The following RUFY1 variants were observed in gnomAD, a reference collection of about 807,000 sequenced individuals.
RUFY1 encodes RUN and FYVE domain containing 1.
Under a neutral mutation model 94.6 loss-of-function variants are expected in RUFY1, and 54 were observed. The ratio of observed to expected loss-of-function variants is 0.57; its 90% CI spans 0.46 to 0.72. RUFY1 has a LOEUF of 0.72. Ranked by LOEUF, RUFY1 falls within the 30% of genes least tolerant of loss-of-function variation. The pLI is 0.00. For synonymous variants in RUFY1, 396 were observed against 347.3 expected, an observed-to-expected ratio of 1.14 and a Z score of -1.56; for missense variants, 883 against 883.9, an observed-to-expected ratio of 1.00 and a Z score of 0.01.
At chr5:179,577,026 A>C (rs764922318) in intron 5 of RUFY1, 49 bp from the exon 6 acceptor site, 26 of 1,261,722 alleles carry the variant, frequency 2.1e-5, no homozygotes, top group Non-Finnish European at 2.8e-5. Context: ...TGTAAAGTTT[A>C]TGAAAAATAG....
At chr5:179,572,240 A>T in intron 5 of RUFY1, 1 of 283,672 alleles carries the variant, frequency 3.5e-6, no homozygotes, top group Non-Finnish European at 7.2e-6. Context: ...CCAGGAGGTG[A>T]AGCTGTGGGC....
chr5:179,577,159 C>CTTTTTTT lies in RUFY1; in HGVS notation c.890+47_890+53dup, dbSNP rs748319712. ...GGAGTAAGTACTGCGTTGTATGTCA[C>CTTTTTTT]TTTTTTTTTTTTTTTTTTTTTTTTT... is the stretch of plus-strand genomic sequence containing the variant. On this transcript the variant is annotated intron_variant, in intron 6 of 17. Transcript: ENST00000319449. The CTTTTTTT allele has an allele frequency of 3.0e-3, 563 of 186,724 alleles. 56 individuals are homozygous for CTTTTTTT. Among genetic ancestry groups the CTTTTTTT allele is most frequent in the African/African-American group, 8.4e-3 (109 of 12,978 alleles). The allele number at this position is 186,724 out of a possible 1,614,324, so 11.6% of individuals were successfully genotyped here.
intron 17 of RUFY1, among the ~76,000 whole-genome samples, chr5:179,607,980 A>G (rs921937171): frequency 6.6e-6 from 1 of 152,164 alleles, no homozygotes; most frequent in Non-Finnish European, 1.5e-5. Context: ...AATTCTCTGT[A>G]TGCGGCAGGA....
rs753158185 is a variant in RUFY1 at position 179,607,623 on chromosome 5, G to A, written c.1947G>A (p.Arg649=). The part of the protein sequence containing the change: ...WLKDDEATHC[R]QCEKEFSISR... ...AAGATGACGAAGCGACACACTGTAG[G>A]CAGTGTGAGAAGGAGTTCTCCATTT... The change falls in exon 17 of 18, where the codon AGG becomes AGA. Residue 649 remains arginine (R), a synonymous_variant. Transcript: ENST00000319449. 4 of 1,614,144 alleles carry A rather than the reference G, an allele frequency of 2.5e-6. No homozygotes were observed. In the East Asian group the frequency reaches 8.9e-5, roughly 36 times the overall value.
At chr5:179,607,089 C>T (rs183387637) in intron 16 of RUFY1, 61 of 170,174 alleles carry the variant, frequency 3.6e-4, no homozygotes, top group Admixed American at 1.2e-3. Context: ...TTCCTCAGGC[C>T]TGTGGGACGC....
intron 15 of RUFY1, among the ~76,000 whole-genome samples, chr5:179,604,751 G>C (rs571128341): frequency 2.6e-5 from 4 of 152,278 alleles, no homozygotes; most frequent in African/African-American, 9.6e-5. Context: ...GGAGGCCGAG[G>C]CAGGTGGATC....
At chr5:179,574,805 G>A (rs1051169102) in intron 5 of RUFY1, among the ~76,000 whole-genome samples, 4 of 152,234 alleles carry the variant, frequency 2.6e-5, no homozygotes, top group South Asian at 4.1e-4. Context: ...CAAACCAGCT[G>A]TCTTATTTAT....
intron 2 of RUFY1, among the ~76,000 whole-genome samples, chr5:179,561,225 A>T (rs202111923): frequency 0.34 from 33,465 of 98,960 alleles, 3,834 homozygotes; most frequent in South Asian, 0.53. Flanking sequence ...ATAAATAAAT[A>T]AATAAATTAA....
intron 7 of RUFY1, among the ~76,000 whole-genome samples, chr5:179,584,098 G>A (rs549776876): frequency 7.0e-4 from 107 of 152,164 alleles, no homozygotes; most frequent in Non-Finnish European, 1.4e-3. Context: ...AAATTATCAA[G>A]TTGGCACAGA....
intron 5 of RUFY1, among the ~76,000 whole-genome samples, chr5:179,573,821 C>T (rs1001663437): frequency 3.1e-4 from 47 of 152,128 alleles, no homozygotes; most frequent in Admixed American, 3.1e-3. Context: ...CGTGCCCGGC[C>T]TACTTTGTGA....
chr5:179,609,501 C>T lies in RUFY1; in HGVS notation c.2109C>T (p.Cys703=). The T allele has an allele frequency of 6.2e-7, 1 of 1,606,482 alleles. No individual in the cohort carries two copies. The highest frequency in any genetic ancestry group is 8.5e-7 in the Non-Finnish European group (1 of 1,178,782). ...DSCHTLLLQR[C]SSTAS ...GCCACACCCTGCTCCTGCAGCGCTG[C>T]TCCTCCACGGCCTCCTGAACGTCCG... Residue 703 remains cysteine, a synonymous_variant, in exon 18 of 18, where the codon TGC becomes TGT. Transcript: ENST00000319449.
chr5:179,583,405 CATATAAAT>C (rs1439970971), intron 7 of RUFY1, among the ~76,000 whole-genome samples: 6 of 56,304 alleles, frequency 1.1e-4, no homozygotes, highest in African/African-American at 1.5e-4. Flanking sequence ...TATCTTTTCT[CATATAAAT>C]ATATATATAT....
At chr5:179,582,161 AAT>A (rs34420425) in intron 7 of RUFY1, among the ~76,000 whole-genome samples, 10,654 of 152,226 alleles carry the variant, frequency 0.07, 422 homozygotes, top group South Asian at 0.11. Context: ...GTATTTTATT[AAT>A]AGACTTCTTC....
At chr5:179,593,070 G>C (rs1765243212) in intron 10 of RUFY1, among the ~76,000 whole-genome samples, 1 of 152,048 alleles carries the variant, frequency 6.6e-6, no homozygotes, top group South Asian at 2.1e-4. Flanking sequence ...CCTTCAGTTT[G>C]TTTGTTTTGT....
chr5:179,605,988 C>T (rs1767040310), intron 16 of RUFY1, 64 bp downstream of exon 16: 5 of 1,073,258 alleles, frequency 4.7e-6, no homozygotes, highest in East Asian at 2.4e-5. Flanking sequence ...TGTGCTCGTA[C>T]GTTTAAGTAT....
intron 1 of RUFY1, chr5:179,559,824 C>T (rs1331850601): frequency 7.5e-7 from 1 of 1,336,116 alleles, no homozygotes. Context: ...GACCCAAGGC[C>T]CCGCCGTCCA....
At chr5:179,587,651 C>G (rs1173230244) in intron 8 of RUFY1, among the ~76,000 whole-genome samples, 2 of 148,422 alleles carry the variant, frequency 1.3e-5, no homozygotes, top group African/African-American at 2.5e-5. Flanking sequence ...CTGCCCACCT[C>G]GGCCTCCCAA....
At chr5:179,591,365 T>C (rs1302895661) in intron 9 of RUFY1, among the ~76,000 whole-genome samples, 1 of 151,482 alleles carries the variant, frequency 6.6e-6, no homozygotes, top group Non-Finnish European at 1.5e-5. Context: ...TTTGTGTTTT[T>C]AGTAGAGACG....
At chr5:179,593,867 G>T (rs1765311472) in intron 11 of RUFY1, among the ~76,000 whole-genome samples, 1 of 152,152 alleles carries the variant, frequency 6.6e-6, no homozygotes, top group Admixed American at 6.5e-5. Context: ...ACATGCCCCT[G>T]GTGACGTAGC....
Sources: gnomAD v4.1 joint callset for allele counts (sites outside exome capture counted in the v4.1 genomes callset) on GRCh38, gnomAD v4.1.1 for gene constraint, MANE v1.5 for transcripts, NCBI Gene and HGNC (gene_info 2026-07-23, HGNC 2026-07-21) for gene names.